The following C1orf105 variants were observed in gnomAD, a reference collection of about 807,000 sequenced individuals.
The protein encoded by C1orf105 is uncharacterized protein C1orf105.
Under a neutral mutation model 20.8 loss-of-function variants are expected in C1orf105, and 17 were observed. The ratio of observed to expected loss-of-function variants is 0.82; its 90% CI spans 0.56 to 1.23. The LOEUF (loss-of-function observed/expected upper bound fraction) is 1.23, where lower values mean the gene tolerates loss of function less well. Among genes scored for constraint, C1orf105 ranks in the 50% most tolerant of loss-of-function variants. C1orf105 has a pLI of 0.00. For missense variants in C1orf105, 219 were observed against 213.5 expected, an observed-to-expected ratio of 1.03 and a Z score of -0.16; for synonymous variants, 72 against 72.1, an observed-to-expected ratio of 1.00 and a Z score of 0.01.
chr1:172,428,347 T>C (rs905630647), intron 1 of C1orf105, among the ~76,000 whole-genome samples: 2 of 152,210 alleles, frequency 1.3e-5, no homozygotes, highest in African/African-American at 4.8e-5. Context: ...GTATCTTCTT[T>C]TTCTCCATGA....
At chr1:172,424,373 G>A (rs2071670021) in intron 1 of C1orf105, among the ~76,000 whole-genome samples, 1 of 152,274 alleles carries the variant, frequency 6.6e-6, no homozygotes, top group African/African-American at 2.4e-5. Flanking sequence ...AGGCTTTTAG[G>A]GGTTATATTC....
At chr1:172,466,144 A>AG (rs1156795780) in intron 6 of C1orf105, among the ~76,000 whole-genome samples, 1 of 152,212 alleles carries the variant, frequency 6.6e-6, no homozygotes, top group African/African-American at 2.4e-5. Context: ...CAGGGGAACT[A>AG]GAGCCAGAAC....
In C1orf105 at chr1:172,420,804, G is replaced by C; in HGVS notation, c.-82G>C. The stretch of plus-strand genomic sequence containing the variant: ...CTTTGGATTCAGGTTCTCCACAGCA[G>C]TCTTCCACTGGCCACAGTGAGGGGA... On this transcript the variant is annotated 5_prime_UTR_variant, in exon 1 of 7. Transcript: ENST00000367727. 1 of 1,424,686 alleles carries C rather than the reference G, an allele frequency of 7.0e-7. No homozygotes were observed. The highest frequency in any genetic ancestry group is 1.2e-5 in the South Asian group (1 of 85,608). The allele number at this position is 1,424,686 out of a possible 1,614,324, so 88.3% of individuals were successfully genotyped here.
chr1:172,430,265 T>C (rs545011697), intron 1 of C1orf105: 2 of 695,940 alleles, frequency 2.9e-6, no homozygotes, highest in Admixed American at 4.2e-5. Flanking sequence ...ACAACTGTCA[T>C]ACTACTTTAT....
At chr1:172,450,526 T>C (rs1043447074) in intron 3 of C1orf105, among the ~76,000 whole-genome samples, 2 of 152,232 alleles carry the variant, frequency 1.3e-5, no homozygotes, top group Non-Finnish European at 2.9e-5. Flanking sequence ...GGGAGTAGAA[T>C]GTACTGTGGA....
At chr1:172,465,766 C>T in intron 6 of C1orf105, 1 of 428,384 alleles carries the variant, frequency 2.3e-6, no homozygotes, top group South Asian at 1.7e-5. Context: ...GAACCTTTCA[C>T]TCCACCAGCT....
At chr1:172,453,248 A>G in intron 3 of C1orf105, 15 of 1,517,928 alleles carry the variant, frequency 9.9e-6, no homozygotes, top group Non-Finnish European at 1.3e-5. Context: ...GTGTAAAGGG[A>G]CAGGATTAGA....
intron 5 of C1orf105, among the ~76,000 whole-genome samples, chr1:172,464,761 A>G (rs766441062): frequency 3.3e-5 from 5 of 152,200 alleles, no homozygotes; most frequent in Non-Finnish European, 7.3e-5. Flanking sequence ...TCAAAAATCC[A>G]TGAAAACAAC....
intron 3 of C1orf105, chr1:172,452,930 C>A: frequency 6.6e-7 from 1 of 1,522,444 alleles, no homozygotes; most frequent in Non-Finnish European, 8.8e-7. Flanking sequence ...TGCTGCTGAG[C>A]TGGTCGTAAG....
intron 1 of C1orf105, among the ~76,000 whole-genome samples, chr1:172,426,073 T>C (rs1285243448): frequency 6.6e-6 from 1 of 152,126 alleles, no homozygotes; most frequent in Non-Finnish European, 1.5e-5. Flanking sequence ...TCTGTAACCC[T>C]TCCACTGTCT....
intron 5 of C1orf105, 64 bp from the exon 6 acceptor site, chr1:172,465,235 G>A (rs2901655): frequency 0.8 from 657,472 of 821,464 alleles, 265,116 homozygotes; most frequent in East Asian, 1. Context: ...ATGTATAAAG[G>A]CACATTTCTT....
rs76758928 is a variant in C1orf105, at chr1:172,461,725, G to A, written c.274-453G>A. On this transcript the variant is annotated intron_variant, in intron 4 of 6. Coordinates refer to ENST00000367727, the MANE Select transcript of C1orf105 (RefSeq NM_139240.4). Reference sequence around the variant, plus strand: ...GCTGGAAATACAAAAATAGAGACAAGGTCTATGCCCTCATGAAGCTGAAAG... The same window carrying A: ...GCTGGAAATACAAAAATAGAGACAAAGTCTATGCCCTCATGAAGCTGAAAG... 5.3e-3 allele frequency among the ~76,000 whole-genome samples: 808 copies of A among 152,244 alleles called. 9 individuals carry two copies. The highest frequency in any genetic ancestry group is 0.019 in the African/African-American group (774 of 41,522).
intron 3 of C1orf105, among the ~76,000 whole-genome samples, chr1:172,455,765 C>G (rs957101928): frequency 2.0e-5 from 3 of 152,100 alleles, no homozygotes. Context: ...CCTCTCTTTC[C>G]CAGAGGATTG....
intron 1 of C1orf105, among the ~76,000 whole-genome samples, chr1:172,436,936 C>G (rs2072057339): frequency 6.6e-6 from 1 of 152,158 alleles, no homozygotes; most frequent in Non-Finnish European, 1.5e-5. Context: ...AGGATATGAA[C>G]AGACACTTCT....
intron 1 of C1orf105, among the ~76,000 whole-genome samples, chr1:172,429,814 C>T (rs866183014): frequency 3.9e-5 from 6 of 152,206 alleles, no homozygotes; most frequent in South Asian, 4.1e-4. Context: ...AGCTGCATCA[C>T]GCCACAAAAT....
At chr1:172,465,206 T>C in intron 5 of C1orf105, 93 bp from the exon 6 acceptor site, 2 of 524,938 alleles carry the variant, frequency 3.8e-6, no homozygotes, top group Non-Finnish European at 5.9e-6. Context: ...TAAATAATAA[T>C]AAATAAATAA....
intron 6 of C1orf105, among the ~76,000 whole-genome samples, chr1:172,466,510 C>G (rs771169285): frequency 2.0e-5 from 3 of 152,106 alleles, no homozygotes; most frequent in Non-Finnish European, 4.4e-5. Context: ...GCCACACACT[C>G]ATTCTGCGTT....
At position 172,462,252 on chromosome 1, in the gene C1orf105, C is replaced by T. The variant is rs1201301681; in HGVS notation, c.341+7C>T. 1 of 1,590,480 alleles carries T rather than the reference C, an allele frequency of 6.3e-7. No individual in the cohort carries two copies. Among genetic ancestry groups the T allele is most frequent in the South Asian group, 1.1e-5 (1 of 88,600 alleles). On this transcript the variant is annotated splice_region_variant and intron_variant, in intron 5 of 6. Coordinates refer to ENST00000367727, the MANE Select transcript of C1orf105 (RefSeq NM_139240.4). The stretch of plus-strand genomic sequence containing the variant: ...AGAATTGTATGAGTTATAGGTAAGT[C>T]AACAATTTAAATCAGGACATGACTT...
At chr1:172,466,573 TACACACACACACACACAC>T (rs3980398) in intron 6 of C1orf105, among the ~76,000 whole-genome samples, 10,743 of 146,758 alleles carry the variant, frequency 0.073, 405 homozygotes, top group Middle Eastern at 0.13. Flanking sequence ...ATGAATCACA[TACACACACACACACACAC>T]ACACACACAC....
Sources: gnomAD v4.1 joint callset for allele counts (sites outside exome capture counted in the v4.1 genomes callset) on GRCh38, gnomAD v4.1.1 for gene constraint, MANE v1.5 for transcripts, NCBI Gene and HGNC (gene_info 2026-07-23, HGNC 2026-07-21) for gene names.